Variants in AMMECR1L observed in about 807,000 individuals in gnomAD.
AMMECR1L encodes AMMECR1-like protein.
A neutral mutation model predicts 36.8 loss-of-function variants in AMMECR1L; 4 were observed. The ratio of observed to expected loss-of-function variants is 0.11; its 90% CI spans 0.05 to 0.25. AMMECR1L has a LOEUF of 0.25. Ranked by LOEUF, AMMECR1L falls within the 10% of genes least tolerant of loss-of-function variation. AMMECR1L has a pLI of 1.00. For synonymous variants in AMMECR1L, 147 were observed against 148.0 expected (o/e 0.99, Z 0.05); for missense variants, 232 against 392.1 (o/e 0.59, Z 3.45).
At position 127,862,107 on chromosome 2, in the gene AMMECR1L, TTC is replaced by T. The variant is rs1288015973; in HGVS notation, c.*2985_*2986del. Reference sequence around the variant, plus strand: ...CGACAGACTCTAGTGATCAAAGACATTCTCTTTTAATGTAAAACAAGGACAAT... The same window carrying T: ...CGACAGACTCTAGTGATCAAAGACATTCTTTTAATGTAAAACAAGGACAAT... On this transcript the variant is annotated 3_prime_UTR_variant, in exon 8 of 8. Transcript: ENST00000272647. 2 of 153,236 alleles carry T rather than the reference TTC, an allele frequency of 1.3e-5. No individual in the cohort carries two copies. Among genetic ancestry groups the T allele is most frequent in the Non-Finnish European group, 2.9e-5 (2 of 68,040 alleles). 9.5% of individuals were successfully genotyped at this position (153,236 alleles called of 1,614,324 possible). A position where few individuals can be genotyped will look rare whatever the true frequency, so the allele number is the denominator to read the frequency against.
At chr2:127,882,146 G>A (rs1691526038) in intron 2 of AMMECR1L, among the ~76,000 whole-genome samples, 1 of 152,174 alleles carries the variant, frequency 6.6e-6, no homozygotes, top group Non-Finnish European at 1.5e-5. Context: ...ATCTAGAAAA[G>A]CCTAAAGGTG....
intron 6 of AMMECR1L, among the ~76,000 whole-genome samples, chr2:127,867,476 G>A (rs1690742466): frequency 6.6e-6 from 1 of 152,198 alleles, no homozygotes; most frequent in Admixed American, 6.5e-5. Context: ...GCTGGGTGTG[G>A]TGGCTCACAC....
At chr2:127,870,486 A>C (rs1218448580) in intron 5 of AMMECR1L, among the ~76,000 whole-genome samples, 1 of 151,990 alleles carries the variant, frequency 6.6e-6, no homozygotes, top group East Asian at 1.9e-4. Flanking sequence ...AAAAAAAAAA[A>C]CAAGCAAACA....
Position 127,865,590 on chromosome 2 carries a change from T to C in AMMECR1L, c.822-385A>G, listed in dbSNP as rs1192040706. Among the ~76,000 whole-genome samples the C allele has an allele frequency of 6.6e-6, 1 of 152,196 alleles. No individual in the cohort carries two copies. Among genetic ancestry groups the C allele is most frequent in the Non-Finnish European group, 1.5e-5 (1 of 68,042 alleles). On this transcript the variant is annotated intron_variant, in intron 7 of 7. Transcript: ENST00000272647. The surrounding 1 kb of genome is among the most constrained non-coding windows in gnomAD (Gnocchi z 5.4). ...ACCCAGTGCAAACTGCACATCTACTTCCAGAGTAAATGTGATACATTTGAC... is the reference window on the plus strand; with the variant it reads ...ACCCAGTGCAAACTGCACATCTACTCCCAGAGTAAATGTGATACATTTGAC...
chr2:127,873,007 G>T lies in AMMECR1L; in HGVS notation c.407+821C>A, dbSNP rs1453007354. On this transcript the variant is annotated intron_variant, in intron 3 of 7. Coordinates refer to ENST00000272647, the MANE Select transcript of AMMECR1L (RefSeq NM_001199140.2). This position sits in a 1 kb window ranked among gnomAD's most constrained non-coding sequence, Gnocchi z 5.2. ...CAACCTGACAGGCCTCCCAAGGGAA[G>T]AGGCTCCTTTTCTTCACACCCTCTC... 1.0e-6 allele frequency: 1 copy of T among 985,406 alleles called. No homozygotes were observed. Among genetic ancestry groups the T allele is most frequent in the Non-Finnish European group, 1.2e-6 (1 of 829,934 alleles). The allele number at this position is 985,406 out of a possible 1,614,324, so 61.0% of individuals were successfully genotyped here.
intron 6 of AMMECR1L, among the ~76,000 whole-genome samples, chr2:127,868,754 C>T (rs994832591): frequency 3.3e-5 from 5 of 151,382 alleles, no homozygotes; most frequent in Admixed American, 1.3e-4. Flanking sequence ...GAGATGGAGG[C>T]TCGCTCTGTC....
intron 7 of AMMECR1L, 102 bp downstream of exon 7, chr2:127,866,798 A>T: frequency 8.9e-7 from 1 of 1,122,618 alleles, no homozygotes; most frequent in Non-Finnish European, 1.3e-6. Context: ...TCTTTGATTT[A>T]GGGACATTCA....
Position 127,869,868 on chromosome 2 carries a change from C to A in AMMECR1L, c.634-324G>T, listed in dbSNP as rs1690878735. On this transcript the variant is annotated intron_variant, in intron 5 of 7. Coordinates refer to ENST00000272647, the MANE Select transcript of AMMECR1L (RefSeq NM_001199140.2). This position sits in a 1 kb window ranked among gnomAD's most constrained non-coding sequence, Gnocchi z 4.7. Reference sequence around the variant, plus strand: ...AATAAACATGCCACAAGGTTTTTATCTGGGGTCATGATCCTTCACATCTGA... The same window carrying A: ...AATAAACATGCCACAAGGTTTTTATATGGGGTCATGATCCTTCACATCTGA... 6.6e-6 allele frequency among the ~76,000 whole-genome samples: 1 copy of A among 152,222 alleles called. No homozygotes were observed. Among genetic ancestry groups the A allele is most frequent in the Non-Finnish European group, 1.5e-5 (1 of 68,040 alleles).
In AMMECR1L at chr2:127,865,050, C is replaced by T. The variant is rs372518720; in HGVS notation, c.*44G>A. The T allele has an allele frequency of 6.5e-6, 9 of 1,388,240 alleles. No homozygotes were observed. Among genetic ancestry groups the T allele is most frequent in the African/African-American group, 2.9e-5 (2 of 70,160 alleles). The allele number at this position is 1,388,240 out of a possible 1,614,324, so 86.0% of individuals were successfully genotyped here. A position where few individuals can be genotyped will look rare whatever the true frequency, so the allele number is the denominator to read the frequency against. On this transcript the variant is annotated 3_prime_UTR_variant, in exon 8 of 8. Transcript: ENST00000272647. The surrounding 1 kb of genome is among the most constrained non-coding windows in gnomAD (Gnocchi z 5.4). The stretch of plus-strand genomic sequence containing the variant: ...GCATCTGCTCCAATGATGTCATAGC[C>T]ATTGGTGGCCACGGGGGGGTGGGAC...
chr2:127,873,794 C>T lies in AMMECR1L; in HGVS notation c.407+34G>A. ...TCACCCCAGAAAGATGTCACCATGC[C>T]TTCCTCAGTGCCCCCAGCACATGAT... is the stretch of plus-strand genomic sequence containing the variant. On this transcript the variant is annotated intron_variant, in intron 3 of 7. Coordinates refer to ENST00000272647, the MANE Select transcript of AMMECR1L (RefSeq NM_001199140.2). This position sits in a 1 kb window ranked among gnomAD's most constrained non-coding sequence, Gnocchi z 5.2. 6.2e-7 allele frequency: 1 copy of T among 1,612,812 alleles called. No individual in the cohort carries two copies. The highest frequency in any genetic ancestry group is 1.3e-5 in the African/African-American group (1 of 75,032).
chr2:127,878,299 C>G (rs778363092), intron 2 of AMMECR1L, among the ~76,000 whole-genome samples: 1 of 152,132 alleles, frequency 6.6e-6, no homozygotes, highest in Non-Finnish European at 1.5e-5. Flanking sequence ...CAACTGTGGG[C>G]AGCGAGCTAG....
chr2:127,866,323 T>A (rs927282979), intron 7 of AMMECR1L, among the ~76,000 whole-genome samples: 2 of 152,190 alleles, frequency 1.3e-5, no homozygotes, highest in African/African-American at 4.8e-5. Flanking sequence ...GGTATTATCA[T>A]TCACATCTTA....
Position 127,871,138 on chromosome 2 carries a change from G to T in AMMECR1L, c.518+111C>A. The stretch of plus-strand genomic sequence containing the variant: ...CCAGATTAAGCCCCTTACATTTCCT[G>T]ATTACCAAAAAGAGAAAGCTCAACG... On this transcript the variant is annotated intron_variant, in intron 4 of 7. Transcript: ENST00000272647. The surrounding 1 kb of genome is among the most constrained non-coding windows in gnomAD (Gnocchi z 4.3). The T allele has an allele frequency of 8.1e-7, 1 of 1,231,202 alleles. No individual in the cohort carries two copies. Among genetic ancestry groups the T allele is most frequent in the Non-Finnish European group, 1.1e-6 (1 of 874,942 alleles). The allele number at this position is 1,231,202 out of a possible 1,614,324, so 76.3% of individuals were successfully genotyped here. A position where few individuals can be genotyped will look rare whatever the true frequency, so the allele number is the denominator to read the frequency against.
At chr2:127,870,764 G>A (rs761426483) in intron 5 of AMMECR1L, 50 bp downstream of exon 5, 9 of 1,477,524 alleles carry the variant, frequency 6.1e-6, no homozygotes, top group Admixed American at 1.8e-5. Flanking sequence ...GTACTAACCC[G>A]AACCCAAATG....
chr2:127,883,702 T>A (rs1480940985), intron 2 of AMMECR1L, among the ~76,000 whole-genome samples: 1 of 152,208 alleles, frequency 6.6e-6, no homozygotes. Context: ...AAGTTTACAG[T>A]GAAAAATTTT....
Position 127,871,842 on chromosome 2 carries a change from C to A in AMMECR1L, c.408-483G>T, listed in dbSNP as rs1450962325. Among the ~76,000 whole-genome samples the A allele has an allele frequency of 2.0e-5, 3 of 151,950 alleles. No individual in the cohort carries two copies. Among genetic ancestry groups the A allele is most frequent in the African/African-American group, 7.3e-5 (3 of 41,346 alleles). Reference sequence around the variant, plus strand: ...TGACAACTACAAATATTTCCACTCACAAATTTTCAGAAAAAAAAGTTCCCT... The same window carrying A: ...TGACAACTACAAATATTTCCACTCAAAAATTTTCAGAAAAAAAAGTTCCCT... On this transcript the variant is annotated intron_variant, in intron 3 of 7. Transcript: ENST00000272647. This position sits in a 1 kb window ranked among gnomAD's most constrained non-coding sequence, Gnocchi z 4.3.
At chr2:127,880,047 A>T (rs941858660) in intron 2 of AMMECR1L, among the ~76,000 whole-genome samples, 1 of 152,202 alleles carries the variant, frequency 6.6e-6, no homozygotes, top group African/African-American at 2.4e-5. Context: ...TCACGCCTGT[A>T]ATCCCTACAC....
chr2:127,878,022 G>A (rs1429723665), intron 2 of AMMECR1L, among the ~76,000 whole-genome samples: 1 of 152,142 alleles, frequency 6.6e-6, no homozygotes, highest in Non-Finnish European at 1.5e-5. Context: ...TTGTACCACT[G>A]CACTCCAGCC....
At chr2:127,876,261 G>A (rs1691238071) in intron 2 of AMMECR1L, among the ~76,000 whole-genome samples, 1 of 151,480 alleles carries the variant, frequency 6.6e-6, no homozygotes, top group South Asian at 2.1e-4. Context: ...AAGGAGCGAG[G>A]ATTGCCTGAG....
Sources: gnomAD v4.1 joint callset for allele counts (sites outside exome capture counted in the v4.1 genomes callset) on GRCh38, gnomAD v4.1.1 for gene constraint, Gnocchi (gnomAD v3.1) non-coding constraint, MANE v1.5 for transcripts, NCBI Gene and HGNC (gene_info 2026-07-23, HGNC 2026-07-21) for gene names.